The following PLCL1 variants were observed in gnomAD, a reference collection of about 807,000 sequenced individuals.
PLCL1 encodes the protein phospholipase C like 1 (inactive), also known as inactive phospholipase C-like protein 1.
A neutral mutation model predicts 84.4 loss-of-function variants in PLCL1; 41 were observed. The observed-to-expected ratio is 0.49, with a 90% confidence interval of 0.38 to 0.63. PLCL1 has a LOEUF of 0.63. PLCL1 is among the 30% of genes least tolerant of loss of function. The pLI is 0.00. For missense variants in PLCL1, 1,206 were observed against 1,367.8 expected, an observed-to-expected ratio of 0.88 and a Z score of 1.87; for synonymous variants, 490 against 488.3, an observed-to-expected ratio of 1.00 and a Z score of -0.05.
intron 1 of PLCL1, among the ~76,000 whole-genome samples, chr2:198,011,353 G>C (rs1690864174): frequency 6.6e-6 from 1 of 151,812 alleles, no homozygotes; most frequent in Non-Finnish European, 1.5e-5. Context: ...ATTATCTTGT[G>C]ATTTCTTCTT....
chr2:197,915,887 G>T (rs1317676501), intron 1 of PLCL1, among the ~76,000 whole-genome samples: 1 of 152,132 alleles, frequency 6.6e-6, no homozygotes, highest in East Asian at 1.9e-4. Flanking sequence ...AGTTGTTATT[G>T]TTTCTAGAAT....
chr2:197,827,410 A>T (rs1297698537), intron 1 of PLCL1, among the ~76,000 whole-genome samples: 1 of 152,098 alleles, frequency 6.6e-6, no homozygotes, highest in African/African-American at 2.4e-5. Flanking sequence ...CCCTGCTCAT[A>T]GTTGCTCAAT....
At chr2:198,062,774 C>T (rs1340268394) in intron 1 of PLCL1, among the ~76,000 whole-genome samples, 1 of 152,124 alleles carries the variant, frequency 6.6e-6, no homozygotes, top group Non-Finnish European at 1.5e-5. Context: ...CCCCTTTAAC[C>T]TACTGAATCA....
intron 1 of PLCL1, among the ~76,000 whole-genome samples, chr2:198,004,939 T>G (rs572806628): frequency 6.6e-6 from 1 of 152,360 alleles, no homozygotes; most frequent in South Asian, 2.1e-4. Flanking sequence ...AACATAAAAG[T>G]GCTTACTGCT....
chr2:197,938,726 T>C (rs1330230703), intron 1 of PLCL1, among the ~76,000 whole-genome samples: 1 of 152,176 alleles, frequency 6.6e-6, no homozygotes, highest in Non-Finnish European at 1.5e-5. Flanking sequence ...AGCTGTTTAG[T>C]GGCAGGGCTG....
At chr2:197,829,221 T>C (rs187704573) in intron 1 of PLCL1, among the ~76,000 whole-genome samples, 110 of 152,326 alleles carry the variant, frequency 7.2e-4, no homozygotes, top group African/African-American at 2.6e-3. Flanking sequence ...CTATAGGTAA[T>C]AGTAAAGAAA....
At chr2:197,840,373 A>T (rs916712089) in intron 1 of PLCL1, among the ~76,000 whole-genome samples, 8 of 152,102 alleles carry the variant, frequency 5.3e-5, no homozygotes, top group African/African-American at 1.9e-4. Context: ...TCGGTGAGAA[A>T]ATAATTTTAA....
At chr2:197,906,385 T>C (rs1688382800) in intron 1 of PLCL1, among the ~76,000 whole-genome samples, 1 of 152,098 alleles carries the variant, frequency 6.6e-6, no homozygotes, top group Non-Finnish European at 1.5e-5. Context: ...TGTGTGGTGT[T>C]ATTTCTGAGT....
rs143606647 is a variant in PLCL1 at position 198,075,297 on chromosome 2, A to G, written c.241-8461A>G. Among the ~76,000 whole-genome samples the G allele has an allele frequency of 6.8e-4, 104 of 152,302 alleles. 3 individuals are homozygous for G. In the South Asian group the frequency reaches 0.013, roughly 20 times the overall value. On this transcript the variant is annotated intron_variant, in intron 1 of 5. Coordinates refer to ENST00000428675, the MANE Select transcript of PLCL1 (RefSeq NM_006226.4). Reference sequence around the variant, plus strand: ...AATTTTAAATGTATTGTTTTTGAGGATGAGGCAGACATCTGTCTTAGAGGG... The same window carrying G: ...AATTTTAAATGTATTGTTTTTGAGGGTGAGGCAGACATCTGTCTTAGAGGG...
intron 3 of PLCL1, among the ~76,000 whole-genome samples, chr2:198,097,401 C>A (rs967913537): frequency 3.3e-5 from 5 of 152,094 alleles, no homozygotes; most frequent in Non-Finnish European, 7.3e-5. Context: ...TTTGTCCATG[C>A]ATACTCAAAG....
At chr2:198,014,949 A>G (rs1375912221) in intron 1 of PLCL1, among the ~76,000 whole-genome samples, 3 of 152,158 alleles carry the variant, frequency 2.0e-5, no homozygotes, top group East Asian at 1.9e-4. Context: ...GCAATTTTGT[A>G]TAGCAGTAGC....
chr2:198,012,472 T>C lies in PLCL1; in HGVS notation c.241-71286T>C, dbSNP rs61228863. On this transcript the variant is annotated intron_variant, in intron 1 of 5. Transcript: ENST00000428675. ...CTCTAGTGCTAAATTGAGTCTCTTA[T>C]AGACACAACATATGGTTGGATCTTA... Among the ~76,000 whole-genome samples the C allele has an allele frequency of 4.3e-3, 655 of 152,254 alleles. 47 individuals are homozygous for C. The East Asian group carries it at 0.11, about 25-fold the overall frequency.
intron 1 of PLCL1, among the ~76,000 whole-genome samples, chr2:198,049,914 A>G (rs994440882): frequency 6.6e-6 from 1 of 152,204 alleles, no homozygotes; most frequent in African/African-American, 2.4e-5. Flanking sequence ...GTGTGTAACT[A>G]AAAGACTAGT....
intron 1 of PLCL1, among the ~76,000 whole-genome samples, chr2:198,031,385 T>A (rs1164768602): frequency 6.6e-6 from 1 of 151,884 alleles, no homozygotes; most frequent in Non-Finnish European, 1.5e-5. Context: ...ATATATATAA[T>A]ATATAATGTT....
At chr2:197,983,292 C>T (rs987887575) in intron 1 of PLCL1, among the ~76,000 whole-genome samples, 2 of 130,702 alleles carry the variant, frequency 1.5e-5, no homozygotes, top group South Asian at 2.6e-4. Flanking sequence ...TGCAGTGGCA[C>T]AATCACAACT....
At chr2:198,050,345 A>G (rs1294555393) in intron 1 of PLCL1, among the ~76,000 whole-genome samples, 3 of 151,160 alleles carry the variant, frequency 2.0e-5, no homozygotes, top group African/African-American at 4.8e-5. Flanking sequence ...TACCCAGTAC[A>G]TGGTTAATAT....
At chr2:197,885,111 T>A (rs996634866) in intron 1 of PLCL1, among the ~76,000 whole-genome samples, 2 of 152,232 alleles carry the variant, frequency 1.3e-5, no homozygotes, top group African/African-American at 4.8e-5. Flanking sequence ...TACCTCAGAC[T>A]TTTGCTCTGG....
Position 198,085,854 on chromosome 2 carries a change from T to C in PLCL1, c.2337T>C (p.Asp779=). 1 of 1,614,196 alleles carries C rather than the reference T, an allele frequency of 6.2e-7. No individual in the cohort carries two copies. Among genetic ancestry groups the C allele is most frequent in the Non-Finnish European group, 8.5e-7 (1 of 1,180,016 alleles). ...VQQNSDNPIF[D]ETFEFQVNLP... is the part of the protein sequence containing the mutation. Reference sequence around the variant, plus strand: ...AAAACAGTGATAATCCTATTTTTGATGAAACTTTTGAGTTCCAAGTAAACC... The same window carrying C: ...AAAACAGTGATAATCCTATTTTTGACGAAACTTTTGAGTTCCAAGTAAACC... The change falls in exon 2 of 6, where the codon GAT becomes GAC. Residue 779 remains aspartate (D), a synonymous_variant. Transcript: ENST00000428675. The surrounding 1 kb of genome is among the most constrained non-coding windows in gnomAD (Gnocchi z 5.3).
chr2:197,865,838 C>A (rs1309210299), intron 1 of PLCL1, among the ~76,000 whole-genome samples: 2 of 150,436 alleles, frequency 1.3e-5, no homozygotes, highest in Admixed American at 1.3e-4. Context: ...CATGGTGAAA[C>A]CCTGTCTGTA....
Sources: allele counts gnomAD v4.1 joint callset (sites outside exome capture counted in the v4.1 genomes callset), GRCh38; gene constraint gnomAD v4.1.1; non-coding constraint Gnocchi (gnomAD v3.1); transcripts MANE v1.5; gene names NCBI Gene and HGNC (gene_info 2026-07-23, HGNC 2026-07-21).